MCHR2: variants seen among roughly 807,000 people sequenced by gnomAD.
The protein encoded by MCHR2 is melanin-concentrating hormone receptor 2.
In MCHR2, 15 loss-of-function variants were observed where a neutral mutation model predicts 24.8. The observed-to-expected ratio is 0.60, with a 90% CI of 0.40 to 0.93. The LOEUF (loss-of-function observed/expected upper bound fraction) is 0.93, where lower values mean the gene tolerates loss of function less well. Ranked by LOEUF, MCHR2 falls within the 40% of genes least tolerant of loss-of-function variation. MCHR2 has a pLI of 0.00. For synonymous variants in MCHR2, 151 were observed against 147.6 expected, an observed-to-expected ratio of 1.02 and a Z score of -0.17; for missense variants, 386 against 408.7, an observed-to-expected ratio of 0.94 and a Z score of 0.48.
At chr6:99,933,585 G>T (rs1300452116) in intron 5 of MCHR2, among the ~76,000 whole-genome samples, 2 of 152,036 alleles carry the variant, frequency 1.3e-5, no homozygotes, top group Non-Finnish European at 2.9e-5. Flanking sequence ...CAAACCTTTG[G>T]TTCAAGGGTT....
chr6:99,949,585 C>T (rs1008846194), intron 2 of MCHR2, among the ~76,000 whole-genome samples: 5 of 152,126 alleles, frequency 3.3e-5, no homozygotes, highest in Non-Finnish European at 5.9e-5. Context: ...AAACATTAGA[C>T]TGGGCGAGGC....
At chr6:99,924,417 G>C (rs1774306975) in intron 5 of MCHR2, among the ~76,000 whole-genome samples, 1 of 151,882 alleles carries the variant, frequency 6.6e-6, no homozygotes, top group African/African-American at 2.4e-5. Context: ...CATTTCTGCT[G>C]TGATCTTTAT....
intron 5 of MCHR2, among the ~76,000 whole-genome samples, chr6:99,928,709 C>G (rs1180001811): frequency 6.6e-6 from 1 of 152,122 alleles, no homozygotes; most frequent in Non-Finnish European, 1.5e-5. Flanking sequence ...TTTATTGCCT[C>G]TATTTGATTC....
intron 1 of MCHR2, among the ~76,000 whole-genome samples, chr6:99,988,694 A>G (rs1314353643): frequency 6.6e-6 from 1 of 152,198 alleles, no homozygotes; most frequent in African/African-American, 2.4e-5. Context: ...CATAGGTAGA[A>G]ATAGAACAGA....
At chr6:99,948,019 C>A in intron 2 of MCHR2, 48 bp from the exon 3 acceptor site, 1 of 1,509,558 alleles carries the variant, frequency 6.6e-7, no homozygotes, top group Admixed American at 1.8e-5. Flanking sequence ...TGTATACAGA[C>A]TATTCGATAT....
chr6:99,959,158 G>T (rs1250668898), intron 1 of MCHR2, among the ~76,000 whole-genome samples: 1 of 152,106 alleles, frequency 6.6e-6, no homozygotes, highest in East Asian at 1.9e-4. Flanking sequence ...TGGATGCCTG[G>T]AAGGCCACTG....
chr6:99,969,069 T>G (rs1395009033), intron 1 of MCHR2, among the ~76,000 whole-genome samples: 1 of 152,188 alleles, frequency 6.6e-6, no homozygotes, highest in African/African-American at 2.4e-5. Flanking sequence ...ATAAATGTAA[T>G]TTACCCTTAT....
At chr6:99,942,795 T>C (rs1774796232) in intron 4 of MCHR2, among the ~76,000 whole-genome samples, 154 bp downstream of exon 4, 1 of 152,160 alleles carries the variant, frequency 6.6e-6, no homozygotes, top group Non-Finnish European at 1.5e-5. Context: ...ATCAAACTTA[T>C]CACCTTGATT....
At position 99,938,543 on chromosome 6, in the gene MCHR2, T is replaced by C. The variant is rs147592909; in HGVS notation, c.588-4026A>G. Among the ~76,000 whole-genome samples the C allele has an allele frequency of 7.2e-3, 1,096 of 152,216 alleles. 14 individuals are homozygous for C. The highest frequency in any genetic ancestry group is 0.025 in the African/African-American group (1,052 of 41,570). On this transcript the variant is annotated intron_variant, in intron 4 of 5. Coordinates refer to ENST00000281806, the MANE Select transcript of MCHR2 (RefSeq NM_001040179.2). ...GTTATTGATTTCTAGTTTTAGTCCA[T>C]TGTGGTCAAAGATACTTGCTATAAC...
At chr6:99,981,767 A>T (rs1479883402) in intron 1 of MCHR2, among the ~76,000 whole-genome samples, 1 of 152,000 alleles carries the variant, frequency 6.6e-6, no homozygotes, top group Non-Finnish European at 1.5e-5. Context: ...CTCCTTGTTG[A>T]TGTGGAAAGC....
At chr6:99,946,989 C>A (rs1031136213) in intron 3 of MCHR2, among the ~76,000 whole-genome samples, 1 of 152,048 alleles carries the variant, frequency 6.6e-6, no homozygotes, top group Non-Finnish European at 1.5e-5. Flanking sequence ...GAGGCAGTTA[C>A]AACTATCTGC....
At chr6:99,923,118 GT>G (rs773486451) in intron 5 of MCHR2, among the ~76,000 whole-genome samples, 1 of 151,768 alleles carries the variant, frequency 6.6e-6, no homozygotes, top group East Asian at 1.9e-4. Context: ...TCTTTGTTAA[GT>G]TTTTAGGTAT....
At chr6:99,977,922 A>G (rs532324679) in intron 1 of MCHR2, among the ~76,000 whole-genome samples, 12 of 152,312 alleles carry the variant, frequency 7.9e-5, no homozygotes, top group African/African-American at 2.6e-4. Context: ...GGACCATATC[A>G]CTGCTTTTCT....
At chr6:99,986,406 A>C (rs1196545963) in intron 1 of MCHR2, among the ~76,000 whole-genome samples, 2 of 152,204 alleles carry the variant, frequency 1.3e-5, no homozygotes, top group Non-Finnish European at 2.9e-5. Context: ...TAGCAAAGTC[A>C]TGCAGTCAAC....
chr6:99,930,015 C>T (rs1217849594), intron 5 of MCHR2, among the ~76,000 whole-genome samples: 1 of 150,252 alleles, frequency 6.7e-6, no homozygotes, highest in Non-Finnish European at 1.5e-5. Context: ...CCTTCAGGAG[C>T]TCTTTTAGGG....
At chr6:99,961,474 T>C (rs1434121730) in intron 1 of MCHR2, among the ~76,000 whole-genome samples, 2 of 152,110 alleles carry the variant, frequency 1.3e-5, no homozygotes, top group Non-Finnish European at 2.9e-5. Context: ...CCATCAAGGA[T>C]AGACTGGATT....
chr6:99,962,647 G>T (rs568803828), intron 1 of MCHR2, among the ~76,000 whole-genome samples: 425 of 152,170 alleles, frequency 2.8e-3, no homozygotes, highest in Middle Eastern at 6.8e-3. Context: ...AAAACTCCTC[G>T]AAGAAAACAT....
intron 1 of MCHR2, among the ~76,000 whole-genome samples, chr6:99,961,687 C>A (rs1186608550): frequency 6.6e-6 from 1 of 151,986 alleles, no homozygotes; most frequent in Admixed American, 6.6e-5. Flanking sequence ...TGGGGGACAT[C>A]ACACACCAGG....
intron 1 of MCHR2, among the ~76,000 whole-genome samples, chr6:99,964,952 C>A (rs892782623): frequency 1.2e-4 from 18 of 152,126 alleles, no homozygotes; most frequent in African/African-American, 4.3e-4. Context: ...ATCTATATTA[C>A]TAGGGCTACA....
Sources: gnomAD v4.1 joint callset for allele counts (sites outside exome capture counted in the v4.1 genomes callset) on GRCh38, gnomAD v4.1.1 for gene constraint, MANE v1.5 for transcripts, NCBI Gene and HGNC (gene_info 2026-07-23, HGNC 2026-07-21) for gene names.